The following MAP3K1 variants were observed in gnomAD, a reference collection of about 807,000 sequenced individuals.
The protein encoded by MAP3K1 is MAP/ERK kinase kinase 1.
In MAP3K1, 36 loss-of-function variants were observed where a neutral mutation model predicts 144.2. The ratio of observed to expected loss-of-function variants is 0.25; its 90% confidence interval spans 0.19 to 0.33. The LOEUF is 0.33. Among genes scored for constraint, MAP3K1 ranks in the 10% least tolerant of loss-of-function variants. MAP3K1 has a pLI of 1.00. For missense variants in MAP3K1, 1,650 were observed against 1,881.9 expected (o/e 0.88, Z 2.28); for synonymous variants, 718 against 688.7 (o/e 1.04, Z -0.67).
chr5:56,876,854 T>TC (rs1748048538), intron 10 of MAP3K1, among the ~76,000 whole-genome samples: 1 of 152,226 alleles, frequency 6.6e-6, no homozygotes, highest in East Asian at 1.9e-4. Context: ...ACTTGGATTA[T>TC]CCCCCAAATC....
chr5:56,837,685 T>G (rs1239484856), intron 1 of MAP3K1, among the ~76,000 whole-genome samples: 1 of 152,228 alleles, frequency 6.6e-6, no homozygotes, highest in Non-Finnish European at 1.5e-5. Context: ...ATTAATCCAT[T>G]ATTTTATTAA....
In MAP3K1 at chr5:56,882,118, C is replaced by G. The variant is rs972861705; in HGVS notation, c.2918C>G (p.Ser973Cys). The change falls in exon 14 of 20, where the codon TCT (serine) becomes TGT (cysteine). Residue 973 changes from serine to cysteine, a missense_variant. Transcript: ENST00000399503. ...HSQCLNSSPL[S>C]HHSQLMFPAL... ...CAGTGTTTGAACTCCTCTCCTTTAT[C>G]TCATCATTCCCAATTAATGTTTCCA... The G allele has an allele frequency of 2.5e-6, 4 of 1,614,136 alleles. No homozygotes were observed. The highest frequency in any genetic ancestry group is 2.7e-5 in the African/African-American group (2 of 75,042).
At chr5:56,845,568 T>G (rs181785492) in intron 1 of MAP3K1, among the ~76,000 whole-genome samples, 43 of 150,338 alleles carry the variant, frequency 2.9e-4, no homozygotes, top group Middle Eastern at 3.4e-3. Context: ...TTGTAGACAT[T>G]CCCAGCCCTA....
At chr5:56,868,663 C>T (rs751816568) in intron 6 of MAP3K1, among the ~76,000 whole-genome samples, 24 of 152,074 alleles carry the variant, frequency 1.6e-4, no homozygotes, top group Non-Finnish European at 2.5e-4. Flanking sequence ...GGATTACAGG[C>T]GTGAGCCACC....
At chr5:56,860,823 A>G (rs1747485491) in intron 3 of MAP3K1, among the ~76,000 whole-genome samples, 1 of 152,042 alleles carries the variant, frequency 6.6e-6, no homozygotes, top group Non-Finnish European at 1.5e-5. Flanking sequence ...ATTGCACTCC[A>G]GCCTGGGCGA....
chr5:56,850,990 A>C (rs1224181596), intron 1 of MAP3K1, among the ~76,000 whole-genome samples: 1 of 152,206 alleles, frequency 6.6e-6, no homozygotes, highest in Non-Finnish European at 1.5e-5. Context: ...CTTGTTGCCC[A>C]GGCTGGAGTG....
In MAP3K1 at chr5:56,893,760, C is replaced by G; in HGVS notation, c.*80C>G. On this transcript the variant is annotated 3_prime_UTR_variant, in exon 20 of 20. Transcript: ENST00000399503. ...ACTTGTGGGGAACCACATTGATATT[C>G]TACTGGCCATGATGCCACTGAACAG... The G allele has an allele frequency of 6.7e-7, 1 of 1,481,672 alleles. No individual in the cohort carries two copies. The highest frequency in any genetic ancestry group is 9.3e-7 in the Non-Finnish European group (1 of 1,074,750). 91.8% of individuals were successfully genotyped at this position (1,481,672 alleles called of 1,614,324 possible). A position where few individuals can be genotyped will look rare whatever the true frequency, so the allele number is the denominator to read the frequency against.
In MAP3K1 at chr5:56,816,884, C is replaced by T. The variant is rs1455594273; in HGVS notation, c.482+829C>T. Among the ~76,000 whole-genome samples, 4 of 152,208 alleles carry T rather than the reference C, an allele frequency of 2.6e-5. No homozygotes were observed. In the East Asian group the frequency reaches 5.8e-4, roughly 22 times the overall value. Reference sequence around the variant, plus strand: ...GTTTGAATTTGGCCTTTGAAGTTTGCATTTGGCGGAGTGGTGTAAGAGCCA... The same window carrying T: ...GTTTGAATTTGGCCTTTGAAGTTTGTATTTGGCGGAGTGGTGTAAGAGCCA... On this transcript the variant is annotated intron_variant, in intron 1 of 19. Coordinates refer to ENST00000399503, the MANE Select transcript of MAP3K1 (RefSeq NM_005921.2).
intron 11 of MAP3K1, among the ~76,000 whole-genome samples, chr5:56,879,957 C>G (rs1003536928): frequency 6.6e-6 from 1 of 152,152 alleles, no homozygotes; most frequent in Non-Finnish European, 1.5e-5. Flanking sequence ...TGCACAGGAT[C>G]TCAAAAATTA....
At chr5:56,845,989 C>T (rs1210536774) in intron 1 of MAP3K1, among the ~76,000 whole-genome samples, 2 of 152,196 alleles carry the variant, frequency 1.3e-5, no homozygotes. Flanking sequence ...TTTAGAAGTA[C>T]TGTTACAAAG....
At chr5:56,840,980 A>G (rs1469434068) in intron 1 of MAP3K1, among the ~76,000 whole-genome samples, 3 of 151,212 alleles carry the variant, frequency 2.0e-5, no homozygotes, top group East Asian at 1.9e-4. Context: ...AGTTCAAGCG[A>G]TTCTCCTGCC....
rs768342713 is a variant in MAP3K1, at chr5:56,882,634, C to A, written c.3434C>A (p.Thr1145Lys). The A allele has an allele frequency of 3.3e-5, 53 of 1,613,934 alleles. No homozygotes were observed. The highest frequency in any genetic ancestry group is 4.1e-5 in the Non-Finnish European group (48 of 1,179,982). The change falls in exon 14 of 20, where the codon ACA becomes AAA. Residue 1145 changes from threonine to lysine, a missense_variant. Around this residue, in one of 6 missense-constraint regions of MAP3K1, gnomAD observed 841 missense variants for 886.5 expected, o/e 0.95. Transcript: ENST00000399503. ...LLEASMPSSDTTVTFKSEVAV... is the reference protein window; with the variant it reads ...LLEASMPSSDKTVTFKSEVAV... ...GAAGCATCTATGCCTTCAAGTGATA[C>A]AACAGTAACTTTTAAGTCAGAAGTT...
chr5:56,820,148 A>G (rs1054719869), intron 1 of MAP3K1, among the ~76,000 whole-genome samples: 2 of 152,060 alleles, frequency 1.3e-5, no homozygotes, highest in African/African-American at 4.8e-5. Flanking sequence ...GATATCTATT[A>G]TATGTATTAT....
intron 1 of MAP3K1, chr5:56,816,974 T>G (rs1745996313): frequency 1.6e-6 from 1 of 634,242 alleles, no homozygotes; most frequent in Non-Finnish European, 2.0e-6. Flanking sequence ...CCCCTCCGGC[T>G]TGGCCCGGGG....
intron 11 of MAP3K1, among the ~76,000 whole-genome samples, chr5:56,879,409 CTA>C (rs1295785805): frequency 6.6e-6 from 1 of 152,020 alleles, no homozygotes; most frequent in Non-Finnish European, 1.5e-5. Context: ...ACATTTATAT[CTA>C]TAAGTTATAA....
chr5:56,850,038 G>A (rs60557382), intron 1 of MAP3K1, among the ~76,000 whole-genome samples: 3,151 of 152,268 alleles, frequency 0.021, 107 homozygotes, highest in African/African-American at 0.073. Context: ...CTATCCTTGG[G>A]AAGGAATTGT....
In MAP3K1 at chr5:56,882,390, A is replaced by G. The variant is rs832583; in HGVS notation, c.3190A>G (p.Arg1064Gly). ...SSNIHRPKPS[R>G]PTPGNTSKQG... is the part of the protein sequence containing the mutation. ...TAACATACACAGGCCAAAGCCATCT[A>G]GACCTACCCCAGGTAATACAAGTAA... Residue 1064 changes from arginine to glycine, a missense_variant, in exon 14 of 20, where the codon AGA (arginine) becomes GGA (glycine). Transcript: ENST00000399503. 1 of 1,613,912 alleles carries G rather than the reference A, an allele frequency of 6.2e-7. No individual in the cohort carries two copies. Among genetic ancestry groups the G allele is most frequent in the South Asian group, 1.1e-5 (1 of 91,068 alleles).
chr5:56,834,906 T>A (rs1191692782), intron 1 of MAP3K1, among the ~76,000 whole-genome samples: 1 of 152,118 alleles, frequency 6.6e-6, no homozygotes, highest in Non-Finnish European at 1.5e-5. Context: ...TAATTTTAGA[T>A]ATTATTATAA....
chr5:56,872,057 C>G (rs1393646896), intron 7 of MAP3K1, 26 bp downstream of exon 7: 9 of 1,613,570 alleles, frequency 5.6e-6, no homozygotes, highest in Non-Finnish European at 7.6e-6. Context: ...TCTCCCTATG[C>G]TTACTCAACA....
Sources: allele counts gnomAD v4.1 joint callset (sites outside exome capture counted in the v4.1 genomes callset), GRCh38; gene constraint gnomAD v4.1.1; regional missense constraint gnomAD v4.1.1; transcripts MANE v1.5; gene names NCBI Gene and HGNC (gene_info 2026-07-23, HGNC 2026-07-21).